Variants in CLSTN2 observed in about 807,000 individuals in gnomAD.
CLSTN2 encodes calsyntenin-2.
Under a neutral mutation model 101.2 loss-of-function variants are expected in CLSTN2, and 48 were observed. The observed-to-expected ratio is 0.47, with a 90% confidence interval of 0.38 to 0.60. The LOEUF (loss-of-function observed/expected upper bound fraction) is 0.60, where lower values mean the gene tolerates loss of function less well. CLSTN2 is among the 20% of genes least tolerant of loss of function. The probability of loss-of-function intolerance (pLI) is 0.00; values close to 1 mark genes in which losing one functional copy is unlikely to be tolerated. For synonymous variants in CLSTN2, 481 were observed against 463.6 expected, an observed-to-expected ratio of 1.04 and a Z score of -0.48; for missense variants, 1,160 against 1,238.2, an observed-to-expected ratio of 0.94 and a Z score of 0.95.
chr3:140,050,198 G>C (rs1483122557), intron 1 of CLSTN2, among the ~76,000 whole-genome samples: 1 of 152,158 alleles, frequency 6.6e-6, no homozygotes, highest in East Asian at 1.9e-4. Flanking sequence ...AATCCACAAA[G>C]CTTTTTGAGT....
chr3:140,202,789 C>T (rs989479483), intron 2 of CLSTN2, among the ~76,000 whole-genome samples: 1 of 152,158 alleles, frequency 6.6e-6, no homozygotes, highest in African/African-American at 2.4e-5. Flanking sequence ...AAAGTAAAGA[C>T]AGTATAGAAG....
At chr3:140,330,314 C>G (rs920128630) in intron 2 of CLSTN2, among the ~76,000 whole-genome samples, 1 of 152,198 alleles carries the variant, frequency 6.6e-6, no homozygotes, top group Non-Finnish European at 1.5e-5. Flanking sequence ...TGAGTTCACT[C>G]AGCTCACATT....
At chr3:140,074,302 C>A (rs1344415666) in intron 1 of CLSTN2, among the ~76,000 whole-genome samples, 1 of 152,160 alleles carries the variant, frequency 6.6e-6, no homozygotes, top group Non-Finnish European at 1.5e-5. Flanking sequence ...CCCCCACCCC[C>A]CAACAGTGGA....
chr3:139,973,678 AC>A (rs1935760950), intron 1 of CLSTN2, among the ~76,000 whole-genome samples: 1 of 151,866 alleles, frequency 6.6e-6, no homozygotes, highest in Non-Finnish European at 1.5e-5. Flanking sequence ...TCTTTCTGTC[AC>A]CCAGGCCAGA....
chr3:140,281,791 AC>A (rs2086850095), intron 2 of CLSTN2, among the ~76,000 whole-genome samples: 1 of 151,872 alleles, frequency 6.6e-6, no homozygotes, highest in Non-Finnish European at 1.5e-5. Context: ...GAGCCTGAAA[AC>A]CATGTGAAAC....
At chr3:140,004,223 C>A (rs1242424750) in intron 1 of CLSTN2, among the ~76,000 whole-genome samples, 2 of 152,220 alleles carry the variant, frequency 1.3e-5, no homozygotes, top group Non-Finnish European at 2.9e-5. Flanking sequence ...TAAGTACCTT[C>A]ATTAGTATGC....
intron 2 of CLSTN2, among the ~76,000 whole-genome samples, chr3:140,195,937 C>G (rs1051896674): frequency 1.3e-5 from 2 of 152,170 alleles, no homozygotes; most frequent in African/African-American, 4.8e-5. Context: ...CAGATAAGGA[C>G]TTCTCACTAT....
At chr3:140,352,564 G>A (rs1044651605) in intron 2 of CLSTN2, among the ~76,000 whole-genome samples, 11 of 152,150 alleles carry the variant, frequency 7.2e-5, no homozygotes, top group African/African-American at 2.7e-4. Context: ...GAGCTGCTTG[G>A]GTTAGCAAAT....
chr3:140,533,650 G>T (rs146238147), intron 9 of CLSTN2, among the ~76,000 whole-genome samples: 1 of 148,722 alleles, frequency 6.7e-6, no homozygotes, highest in Non-Finnish European at 1.5e-5. Context: ...GGTGGAGCTC[G>T]CAGTGAGCCG....
chr3:140,340,152 A>G (rs556891886), intron 2 of CLSTN2, among the ~76,000 whole-genome samples: 5 of 152,350 alleles, frequency 3.3e-5, no homozygotes, highest in South Asian at 2.1e-4. Context: ...TATCCTTTAT[A>G]ATATTGTTTA....
intron 2 of CLSTN2, among the ~76,000 whole-genome samples, chr3:140,183,601 G>A (rs918387608): frequency 6.6e-5 from 10 of 152,128 alleles, no homozygotes; most frequent in Non-Finnish European, 2.9e-5. Flanking sequence ...ATTAGAAACA[G>A]GTGCCCCTTC....
At chr3:140,228,712 C>T (rs985414992) in intron 2 of CLSTN2, among the ~76,000 whole-genome samples, 16 of 152,236 alleles carry the variant, frequency 1.1e-4, no homozygotes, top group East Asian at 9.6e-4. Context: ...ACAATCATGG[C>T]GGAAGGCAAG....
At chr3:139,956,860 AG>A (rs1935415631) in intron 1 of CLSTN2, among the ~76,000 whole-genome samples, 1 of 152,320 alleles carries the variant, frequency 6.6e-6, no homozygotes, top group South Asian at 2.1e-4. Flanking sequence ...CAAACTAATT[AG>A]ACTGGGATAT....
At chr3:140,010,412 G>A (rs4683786) in intron 1 of CLSTN2, among the ~76,000 whole-genome samples, 133,266 of 152,150 alleles carry the variant, frequency 0.88, 58,491 homozygotes, top group South Asian at 0.92. Flanking sequence ...CCAGAAATTC[G>A]TCTTTCCATT....
rs144907610 is a variant in CLSTN2 at position 140,011,885 on chromosome 3, C to T, written c.109+76402C>T. On this transcript the variant is annotated intron_variant, in intron 1 of 16. Coordinates refer to ENST00000458420, the MANE Select transcript of CLSTN2 (RefSeq NM_022131.3). ...AGTGGGGCTGTGAGGGAAAGGACCCCAGATCTGGGGTGCCGAATGGTCCTA... is the reference window on the plus strand; with the variant it reads ...AGTGGGGCTGTGAGGGAAAGGACCCTAGATCTGGGGTGCCGAATGGTCCTA... 1.2e-3 allele frequency among the ~76,000 whole-genome samples: 190 copies of T among 152,072 alleles called. 1 individual carries two copies. In the East Asian group the frequency reaches 0.025, roughly 20 times the overall value.
At chr3:139,947,164 A>G (rs1299429907) in intron 1 of CLSTN2, among the ~76,000 whole-genome samples, 1 of 152,234 alleles carries the variant, frequency 6.6e-6, no homozygotes, top group Non-Finnish European at 1.5e-5. Context: ...TGGCTAACCC[A>G]AAGGAGTGAA....
At chr3:140,146,997 C>T (rs1355738155) in intron 1 of CLSTN2, among the ~76,000 whole-genome samples, 1 of 152,188 alleles carries the variant, frequency 6.6e-6, no homozygotes, top group Admixed American at 6.5e-5. Context: ...ATGAAAGGAA[C>T]ATGTTGACTG....
chr3:140,485,924 C>T (rs896656405), intron 8 of CLSTN2, among the ~76,000 whole-genome samples: 2 of 152,074 alleles, frequency 1.3e-5, no homozygotes, highest in African/African-American at 2.4e-5. Flanking sequence ...GGCGATGCCT[C>T]ACCCTGCTTC....
At chr3:140,439,025 G>C (rs1201213370) in intron 5 of CLSTN2, among the ~76,000 whole-genome samples, 2 of 152,242 alleles carry the variant, frequency 1.3e-5, no homozygotes, top group East Asian at 3.8e-4. Flanking sequence ...GGAAAGGAGG[G>C]CTTGGCACAG....
Sources: allele counts gnomAD v4.1 joint callset (sites outside exome capture counted in the v4.1 genomes callset), GRCh38; gene constraint gnomAD v4.1.1; transcripts MANE v1.5; gene names NCBI Gene and HGNC (gene_info 2026-07-23, HGNC 2026-07-21).